Variants in ADAMTS3 observed in about 807,000 individuals in gnomAD.
ADAMTS3 encodes the protein A disintegrin and metalloproteinase with thrombospondin motifs 3.
A neutral mutation model predicts 129.0 loss-of-function variants in ADAMTS3; 73 were observed. The observed-to-expected ratio is 0.57, with a 90% CI of 0.47 to 0.69. The LOEUF is 0.69. Among genes scored for constraint, ADAMTS3 ranks in the 30% least tolerant of loss-of-function variants. ADAMTS3 has a pLI of 0.00. For missense variants in ADAMTS3, 1,457 were observed against 1,514.5 expected (o/e 0.96, Z 0.63); for synonymous variants, 477 against 510.8 (o/e 0.93, Z 0.89).
chr4:72,445,797 T>A (rs1264505009), intron 3 of ADAMTS3, among the ~76,000 whole-genome samples: 1 of 151,728 alleles, frequency 6.6e-6, no homozygotes, highest in Admixed American at 6.6e-5. Context: ...ATGTCAATCA[T>A]GGCAAATGCT....
Position 72,400,229 on chromosome 4 carries a change from G to T in ADAMTS3, c.661+14586C>A, listed in dbSNP as rs536205512. Among the ~76,000 whole-genome samples, 368 of 144,328 alleles carry T rather than the reference G, an allele frequency of 2.5e-3. 2 individuals are homozygous for T. Among genetic ancestry groups the T allele is most frequent in the Admixed American group, 5.3e-3 (78 of 14,736 alleles). The allele number at this position is 144,328 out of a possible 152,430, so 94.7% of individuals were successfully genotyped here. On this transcript the variant is annotated intron_variant, in intron 4 of 21. Coordinates refer to ENST00000286657, the MANE Select transcript of ADAMTS3 (RefSeq NM_014243.3). The stretch of plus-strand genomic sequence containing the variant: ...GCACACATGGTGTGTATGTATATGT[G>T]TGTATATATGCACACATGGTGTGTA...
rs150931984 is a variant in ADAMTS3 at position 72,447,563 on chromosome 4, A to G, written c.505-32592T>C. Among the ~76,000 whole-genome samples, 5 of 151,898 alleles carry G rather than the reference A, an allele frequency of 3.3e-5. No individual in the cohort carries two copies. The East Asian group carries it at 9.8e-4, about 30-fold the overall frequency. On this transcript the variant is annotated intron_variant, in intron 3 of 21. Transcript: ENST00000286657. ...TTGGAAAATACATTTAACAAAATGT[A>G]GATGTAAAAATTACTTAAGATTTTC...
intron 3 of ADAMTS3, among the ~76,000 whole-genome samples, chr4:72,441,157 A>G (rs1292717350): frequency 6.6e-6 from 1 of 151,812 alleles, no homozygotes; most frequent in Non-Finnish European, 1.5e-5. Context: ...CAATCAAATC[A>G]TCATATATGC....
intron 17 of ADAMTS3, among the ~76,000 whole-genome samples, chr4:72,303,671 G>A (rs1719009992): frequency 6.6e-6 from 1 of 151,928 alleles, no homozygotes; most frequent in Non-Finnish European, 1.5e-5. Context: ...GTCTTTAAAA[G>A]ATGATAACTG....
chr4:72,526,537 AT>A (rs1421008316), intron 3 of ADAMTS3, among the ~76,000 whole-genome samples: 1 of 146,988 alleles, frequency 6.8e-6, no homozygotes, highest in African/African-American at 2.5e-5. Context: ...CAGTCTACTA[AT>A]TAGTAATTAA....
chr4:72,344,917 A>G (rs1225416156), intron 4 of ADAMTS3, among the ~76,000 whole-genome samples: 1 of 152,162 alleles, frequency 6.6e-6, no homozygotes, highest in Non-Finnish European at 1.5e-5. Flanking sequence ...CATCATGTTT[A>G]GGTCACCCAT....
At chr4:72,371,667 C>G (rs1029395065) in intron 4 of ADAMTS3, among the ~76,000 whole-genome samples, 14 of 151,830 alleles carry the variant, frequency 9.2e-5, no homozygotes, top group African/African-American at 3.4e-4. Context: ...TAAAATTAAA[C>G]TGAGAAAACA....
At chr4:72,347,602 T>C (rs1394278598) in intron 4 of ADAMTS3, among the ~76,000 whole-genome samples, 1 of 152,118 alleles carries the variant, frequency 6.6e-6, no homozygotes, top group East Asian at 1.9e-4. Flanking sequence ...ATAACTAATT[T>C]TGGGAGACAG....
At chr4:72,529,011 G>C (rs1380897768) in intron 3 of ADAMTS3, among the ~76,000 whole-genome samples, 1 of 152,190 alleles carries the variant, frequency 6.6e-6, no homozygotes, top group Middle Eastern at 3.4e-3. Flanking sequence ...AGAGTAATCA[G>C]GGTTTCTGCT....
intron 3 of ADAMTS3, among the ~76,000 whole-genome samples, chr4:72,502,481 T>G (rs532612613): frequency 4.7e-4 from 72 of 152,276 alleles, no homozygotes; most frequent in African/African-American, 1.5e-3. Flanking sequence ...TTTTTTATTG[T>G]GCTTATTTGG....
chr4:72,467,343 G>C (rs1245488087), intron 3 of ADAMTS3, among the ~76,000 whole-genome samples: 1 of 151,978 alleles, frequency 6.6e-6, no homozygotes, highest in Non-Finnish European at 1.5e-5. Flanking sequence ...TCTTCCCACA[G>C]TATCTATTGC....
intron 3 of ADAMTS3, among the ~76,000 whole-genome samples, chr4:72,542,234 A>G (rs910751373): frequency 6.6e-6 from 1 of 152,092 alleles, no homozygotes; most frequent in African/African-American, 2.4e-5. Flanking sequence ...GTGCAATCTC[A>G]GCTCACTGCA....
chr4:72,540,670 G>A (rs1184316962), intron 3 of ADAMTS3, among the ~76,000 whole-genome samples: 1 of 152,168 alleles, frequency 6.6e-6, no homozygotes, highest in Non-Finnish European at 1.5e-5. Flanking sequence ...GCAGTCTAGA[G>A]ACTCATGCCC....
Position 72,283,647 on chromosome 4 carries a change from T to C in ADAMTS3, c.3107A>G (p.Tyr1036Cys). Residue 1036 changes from tyrosine (Y) to cysteine (C), a missense_variant, in exon 22 of 22, where the codon TAC (tyrosine) becomes TGC (cysteine). Tyr to Cys is a radical substitution (Grantham distance 194, BLOSUM62 -2). Coordinates refer to ENST00000286657, the MANE Select transcript of ADAMTS3 (RefSeq NM_014243.3). ...CTTGTTATAACCTGGTATGGAGCAG[T>C]ATCGTGCCAACACTTCCATTTGACA... ...IFCQMEVLAR[Y>C]CSIPGYNKLC... 6.2e-7 allele frequency: 1 copy of C among 1,613,264 alleles called. No homozygotes were observed. Among genetic ancestry groups the C allele is most frequent in the Non-Finnish European group, 8.5e-7 (1 of 1,179,576 alleles).
At chr4:72,406,566 A>G (rs1722058453) in intron 4 of ADAMTS3, among the ~76,000 whole-genome samples, 1 of 152,184 alleles carries the variant, frequency 6.6e-6, no homozygotes, top group Non-Finnish European at 1.5e-5. Context: ...CTTGAAGTTA[A>G]TTCAAACTAT....
chr4:72,483,998 A>G (rs1354599230), intron 3 of ADAMTS3, among the ~76,000 whole-genome samples: 1 of 152,128 alleles, frequency 6.6e-6, no homozygotes, highest in Non-Finnish European at 1.5e-5. Context: ...AGCCCGGGTG[A>G]CAGAGCAGGA....
intron 19 of ADAMTS3, among the ~76,000 whole-genome samples, chr4:72,292,621 T>C (rs2109774168): frequency 6.6e-6 from 1 of 152,350 alleles, no homozygotes; most frequent in South Asian, 2.1e-4. Flanking sequence ...CACACAGTTC[T>C]CCAGTACACA....
intron 3 of ADAMTS3, among the ~76,000 whole-genome samples, chr4:72,479,960 G>A (rs1166426823): frequency 2.6e-5 from 4 of 152,010 alleles, no homozygotes; most frequent in Non-Finnish European, 4.4e-5. Context: ...ATCATCACTG[G>A]CCATCAGAGA....
chr4:72,568,246 C>G (rs1172316165), intron 1 of ADAMTS3, among the ~76,000 whole-genome samples: 1 of 152,104 alleles, frequency 6.6e-6, no homozygotes, highest in African/African-American at 2.4e-5. Flanking sequence ...CCGAAAAAAC[C>G]GTGAGTCAGT....
Sources: allele counts gnomAD v4.1 joint callset (sites outside exome capture counted in the v4.1 genomes callset), GRCh38; gene constraint gnomAD v4.1.1; transcripts MANE v1.5; gene names NCBI Gene and HGNC (gene_info 2026-07-23, HGNC 2026-07-21).